The following KLHL32 variants were observed in gnomAD, a reference collection of about 807,000 sequenced individuals.
KLHL32 encodes the protein kelch like family member 32.
In KLHL32, 35 loss-of-function variants were observed where a neutral mutation model predicts 64.8. That is an observed-to-expected ratio of 0.54 (90% CI 0.41 to 0.72). The LOEUF (loss-of-function observed/expected upper bound fraction) is 0.72. Ranked by LOEUF, KLHL32 falls within the 30% of genes least tolerant of loss-of-function variation. The probability of loss-of-function intolerance (pLI) is 0.00; values close to 1 mark genes in which losing one functional copy is unlikely to be tolerated. For synonymous variants in KLHL32, 259 were observed against 281.0 expected, an observed-to-expected ratio of 0.92 and a Z score of 0.78; for missense variants, 589 against 768.5, an observed-to-expected ratio of 0.77 and a Z score of 2.76.
At chr6:96,937,714 T>C (rs376799708) in intron 1 of KLHL32, among the ~76,000 whole-genome samples, 1 of 152,244 alleles carries the variant, frequency 6.6e-6, no homozygotes, top group East Asian at 1.9e-4. Context: ...TCCTCCCGTG[T>C]CCCCCTCTAC....
chr6:97,135,506 C>T (rs1167041803), intron 10 of KLHL32, among the ~76,000 whole-genome samples: 6 of 151,928 alleles, frequency 3.9e-5, no homozygotes, highest in Non-Finnish European at 5.9e-5. Context: ...CGGGGTTTCA[C>T]CATGCTGGCC....
At chr6:96,970,234 C>T (rs1047901031) in intron 2 of KLHL32, among the ~76,000 whole-genome samples, 1 of 152,172 alleles carries the variant, frequency 6.6e-6, no homozygotes, top group Non-Finnish European at 1.5e-5. Flanking sequence ...GGTACTACAG[C>T]TTGAATGACC....
chr6:97,075,337 C>CATATTTAT (rs1164038851), intron 5 of KLHL32, among the ~76,000 whole-genome samples: 2 of 152,136 alleles, frequency 1.3e-5, no homozygotes, highest in Non-Finnish European at 2.9e-5. Context: ...TACATATTTA[C>CATATTTAT]ATATTTATAT....
intron 10 of KLHL32, among the ~76,000 whole-genome samples, chr6:97,134,329 G>C (rs1004193870): frequency 6.6e-6 from 1 of 152,236 alleles, no homozygotes; most frequent in Admixed American, 6.5e-5. Flanking sequence ...AGGCTGCCTT[G>C]TACTGGTTTT....
At chr6:97,079,358 A>G (rs1019878840) in intron 5 of KLHL32, among the ~76,000 whole-genome samples, 3 of 152,194 alleles carry the variant, frequency 2.0e-5, no homozygotes, top group African/African-American at 7.2e-5. Context: ...GAAAGGCCAC[A>G]GGATCAACAC....
At chr6:96,921,168 T>C (rs1188022809), upstream of KLHL32, among the ~76,000 whole-genome samples, 3 of 152,252 alleles carry the variant, frequency 2.0e-5, no homozygotes, top group Admixed American at 6.5e-5. Context: ...ACCTATTTAA[T>C]TATGTAATTA....
chr6:96,977,864 G>A (rs542413648), intron 3 of KLHL32, among the ~76,000 whole-genome samples: 2 of 152,240 alleles, frequency 1.3e-5, no homozygotes, highest in African/African-American at 4.8e-5. Context: ...AAAAAGTAGG[G>A]ATTTAATTCT....
rs551089056 is a variant in KLHL32, at chr6:97,056,191, C to T, written c.313-8437C>T. Among the ~76,000 whole-genome samples the T allele has an allele frequency of 4.0e-5, 6 of 148,718 alleles. No homozygotes were observed. The East Asian group carries it at 6.0e-4, about 15-fold the overall frequency. ...CACGATCTCGGCTCACTGGAAGCTCCGCTTCCCGGGTTCACGCCATTCTCC... is the reference window on the plus strand; with the variant it reads ...CACGATCTCGGCTCACTGGAAGCTCTGCTTCCCGGGTTCACGCCATTCTCC... On this transcript the variant is annotated intron_variant, in intron 4 of 10. Transcript: ENST00000369261.
At chr6:97,019,589 C>T (rs1410902598) in intron 3 of KLHL32, among the ~76,000 whole-genome samples, 1 of 152,206 alleles carries the variant, frequency 6.6e-6, no homozygotes, top group Non-Finnish European at 1.5e-5. Context: ...ACAGTTCTCT[C>T]AGCAGCTAGG....
chr6:97,070,290 T>G (rs1790502283), intron 5 of KLHL32, among the ~76,000 whole-genome samples: 1 of 152,214 alleles, frequency 6.6e-6, no homozygotes, highest in African/African-American at 2.4e-5. Flanking sequence ...GGTGGAAATG[T>G]ATCAGACCTA....
the KLHL32 span, among the ~76,000 whole-genome samples, chr6:96,903,890 A>G: frequency 6.6e-6 from 1 of 152,240 alleles, no homozygotes; most frequent in Non-Finnish European, 1.5e-5. Context: ...AGAAAAGGAA[A>G]TAAGAATTAT....
At chr6:97,014,878 T>A (rs13192929) in intron 3 of KLHL32, among the ~76,000 whole-genome samples, 34,542 of 152,066 alleles carry the variant, frequency 0.23, 4,166 homozygotes, top group African/African-American at 0.29. Flanking sequence ...AGGCTCTGTG[T>A]CCCCACCCAA....
chr6:96,913,466 A>G, the KLHL32 span, among the ~76,000 whole-genome samples: 1 of 152,138 alleles, frequency 6.6e-6, no homozygotes, highest in South Asian at 2.1e-4. Flanking sequence ...AAAAGCCCTA[A>G]TTTTAGTGTT....
At chr6:97,012,598 A>G (rs1427539996) in intron 3 of KLHL32, among the ~76,000 whole-genome samples, 1 of 152,208 alleles carries the variant, frequency 6.6e-6, no homozygotes, top group Non-Finnish European at 1.5e-5. Flanking sequence ...GTAGCAAGGA[A>G]ACTAATACAG....
intron 4 of KLHL32, among the ~76,000 whole-genome samples, chr6:97,054,072 A>G (rs1787397393): frequency 6.6e-6 from 1 of 152,146 alleles, no homozygotes; most frequent in Non-Finnish European, 1.5e-5. Flanking sequence ...GGAGTTTTAC[A>G]ATTCTAACTT....
rs188814579 is a variant in KLHL32, at chr6:97,075,349, C to T, written c.412-9777C>T. Among the ~76,000 whole-genome samples, 14 of 152,188 alleles carry T rather than the reference C, an allele frequency of 9.2e-5. No homozygotes were observed. In the East Asian group the frequency reaches 2.7e-3, roughly 29 times the overall value. On this transcript the variant is annotated intron_variant, in intron 5 of 10. Coordinates refer to ENST00000369261, the MANE Select transcript of KLHL32 (RefSeq NM_052904.4). ...CCATACATATTTACATATTTATATA[C>T]AAAATATGCCTATATCTCTCTGTAT... is the stretch of plus-strand genomic sequence containing the variant.
At chr6:97,029,268 G>T (rs998244104) in intron 3 of KLHL32, among the ~76,000 whole-genome samples, 11 of 152,144 alleles carry the variant, frequency 7.2e-5, no homozygotes, top group Non-Finnish European at 1.6e-4. Flanking sequence ...TCACTGTATA[G>T]TTAATTTAGG....
At chr6:97,082,476 G>A (rs1340468616) in intron 5 of KLHL32, among the ~76,000 whole-genome samples, 4 of 152,084 alleles carry the variant, frequency 2.6e-5, no homozygotes, top group African/African-American at 9.7e-5. Context: ...AGCCGGGCAT[G>A]GTGGCGGGCG....
intron 3 of KLHL32, among the ~76,000 whole-genome samples, chr6:97,008,598 G>C (rs868735665): frequency 2.0e-5 from 3 of 152,082 alleles, no homozygotes; most frequent in South Asian, 4.1e-4. Context: ...TCCCTGCCAG[G>C]GTAAGTGTTT....
Sources: allele counts gnomAD v4.1 joint callset (sites outside exome capture counted in the v4.1 genomes callset), GRCh38; gene constraint gnomAD v4.1.1; transcripts MANE v1.5; gene names NCBI Gene and HGNC (gene_info 2026-07-23, HGNC 2026-07-21).